The following KIAA1217 variants were observed in gnomAD, a reference collection of about 807,000 sequenced individuals.
The protein encoded by KIAA1217 is KIAA1217.
In KIAA1217, 88 loss-of-function variants were observed where a neutral mutation model predicts 163.9. That is an observed-to-expected ratio of 0.54 (90% CI 0.45 to 0.64). The LOEUF is 0.64. Ranked by LOEUF, KIAA1217 falls within the 30% of genes least tolerant of loss-of-function variation. The probability of loss-of-function intolerance (pLI) is 0.00; values close to 1 mark genes in which losing one functional copy is unlikely to be tolerated. For synonymous variants in KIAA1217, 903 were observed against 923.1 expected, an observed-to-expected ratio of 0.98 and a Z score of 0.39; for missense variants, 2,372 against 2,475.0, an observed-to-expected ratio of 0.96 and a Z score of 0.88.
intron 16 of KIAA1217, among the ~76,000 whole-genome samples, chr10:24,535,780 TAAATAAAC>T: frequency 7.9e-6 from 1 of 126,394 alleles, no homozygotes. Context: ...CTGCCTCAAA[TAAATAAAC>T]AAACAAACAA....
intron 5 of KIAA1217, among the ~76,000 whole-genome samples, chr10:24,448,588 A>G (rs2061152508): frequency 6.6e-6 from 1 of 152,102 alleles, no homozygotes; most frequent in African/African-American, 2.4e-5. Context: ...CAGTCTCCCT[A>G]TGTTGCCCAG....
At chr10:23,761,625 G>C (rs1305592962) in intron 1 of KIAA1217, among the ~76,000 whole-genome samples, 1 of 152,130 alleles carries the variant, frequency 6.6e-6, no homozygotes, top group African/African-American at 2.4e-5. Context: ...GAGGCTGTTT[G>C]TTATGATTTC....
chr10:23,901,360 C>T (rs546034992), intron 1 of KIAA1217, among the ~76,000 whole-genome samples: 2 of 152,138 alleles, frequency 1.3e-5, no homozygotes, highest in East Asian at 3.9e-4. Context: ...CATAGTAATA[C>T]AGTCTTATAC....
At chr10:23,932,208 A>C (rs1414626049) in intron 1 of KIAA1217, among the ~76,000 whole-genome samples, 1 of 152,314 alleles carries the variant, frequency 6.6e-6, no homozygotes, top group African/African-American at 2.4e-5. Flanking sequence ...AGGGCAAAGA[A>C]GGCATTTGGT....
chr10:24,190,833 T>A (rs969821050), intron 2 of KIAA1217, among the ~76,000 whole-genome samples: 13 of 152,056 alleles, frequency 8.5e-5, no homozygotes, highest in Admixed American at 8.5e-4. Flanking sequence ...AGTTAAGTGC[T>A]CTGAAGAGCA....
rs563611258 is a variant in KIAA1217 at position 24,170,948 on chromosome 10, G to C, written c.-170-48678G>C. Among the ~76,000 whole-genome samples the C allele has an allele frequency of 2.6e-5, 4 of 152,276 alleles. No individual in the cohort carries two copies. The South Asian group carries it at 8.3e-4, about 32-fold the overall frequency. On this transcript the variant is annotated intron_variant, in intron 2 of 18. Transcript: ENST00000376462. ...CCTGTTCTGTTCAGAGATGTGTTCTGCTCAATAATGCTGAGTAGAAAAGCA... is the reference window on the plus strand; with the variant it reads ...CCTGTTCTGTTCAGAGATGTGTTCTCCTCAATAATGCTGAGTAGAAAAGCA...
At chr10:23,994,642 T>G (rs1846383497) in intron 1 of KIAA1217, among the ~76,000 whole-genome samples, 1 of 152,190 alleles carries the variant, frequency 6.6e-6, no homozygotes, top group South Asian at 2.1e-4. Flanking sequence ...TGAGCATAGT[T>G]CAGCATCATC....
chr10:24,180,527 T>A (rs2066127362), intron 2 of KIAA1217, among the ~76,000 whole-genome samples: 2 of 152,096 alleles, frequency 1.3e-5, no homozygotes, highest in Admixed American at 1.3e-4. Context: ...ACGATTTTCC[T>A]CCTCTGAACT....
At chr10:23,908,533 G>C (rs184431024) in intron 1 of KIAA1217, among the ~76,000 whole-genome samples, 36 of 152,000 alleles carry the variant, frequency 2.4e-4, no homozygotes, top group Admixed American at 1.8e-3. Flanking sequence ...CTTTCTCTTG[G>C]TACCCTCTCT....
chr10:24,524,300 C>G, intron 12 of KIAA1217, 23 bp from the exon 13 acceptor site: 2 of 1,592,344 alleles, frequency 1.3e-6, no homozygotes, highest in Non-Finnish European at 1.7e-6. Context: ...AGGGTTAATG[C>G]CGCTGTGCAT....
intron 1 of KIAA1217, among the ~76,000 whole-genome samples, chr10:23,895,704 G>A (rs1166198566): frequency 6.6e-6 from 1 of 152,012 alleles, no homozygotes; most frequent in Non-Finnish European, 1.5e-5. Flanking sequence ...TATGTTTATT[G>A]CGGCACTGTT....
At chr10:24,147,006 TAAAAAAAAA>T (rs755857019) in intron 2 of KIAA1217, among the ~76,000 whole-genome samples, 1 of 110,726 alleles carries the variant, frequency 9.0e-6, no homozygotes, top group African/African-American at 3.3e-5. Context: ...TTTGTTTTGT[TAAAAAAAAA>T]AAAAAAAAAA....
intron 2 of KIAA1217, among the ~76,000 whole-genome samples, chr10:24,188,799 G>A (rs563035243): frequency 4.5e-4 from 68 of 152,228 alleles, no homozygotes; most frequent in African/African-American, 1.6e-3. Flanking sequence ...CTTGATGATT[G>A]ATGAGTCAAA....
At chr10:24,337,201 C>T (rs2046454361) in intron 2 of KIAA1217, among the ~76,000 whole-genome samples, 1 of 152,126 alleles carries the variant, frequency 6.6e-6, no homozygotes, top group Non-Finnish European at 1.5e-5. Flanking sequence ...TTTTAAACTC[C>T]TTTAATTCAA....
chr10:24,473,464 T>A lies in KIAA1217; in HGVS notation c.1083T>A (p.Ser361=), dbSNP rs1459986879. ...GCCTGCCAGTCTCCAGACCCATCTCTCCAAGCCCAAGCGCCATTTTAGAAA... is the reference window on the plus strand; with the variant it reads ...GCCTGCCAGTCTCCAGACCCATCTCACCAAGCCCAAGCGCCATTTTAGAAA... ...ISSLPVSRPI[S]PSPSAILERR... is the part of the protein sequence containing the mutation. Residue 361 remains serine (S), a synonymous_variant, in exon 6 of 21, where the codon TCT becomes TCA. Transcript: ENST00000376454. 1 of 1,614,092 alleles carries A rather than the reference T, an allele frequency of 6.2e-7. No homozygotes were observed. The highest frequency in any genetic ancestry group is 1.1e-5 in the South Asian group (1 of 91,064).
At chr10:23,707,812 A>C (rs1316952835) in intron 1 of KIAA1217, among the ~76,000 whole-genome samples, 2 of 152,148 alleles carry the variant, frequency 1.3e-5, no homozygotes, top group Non-Finnish European at 2.9e-5. Context: ...GTTTTCCTTC[A>C]AGAAGGAAAT....
chr10:24,158,180 T>C (rs1417681075), intron 2 of KIAA1217: 5 of 744,220 alleles, frequency 6.7e-6, no homozygotes, highest in African/African-American at 5.1e-5. Context: ...AAACATTTCA[T>C]GATGCAGAGT....
intron 1 of KIAA1217, among the ~76,000 whole-genome samples, chr10:23,954,305 C>G (rs1324958562): frequency 6.6e-6 from 1 of 152,120 alleles, no homozygotes; most frequent in Non-Finnish European, 1.5e-5. Context: ...TGGCTCATGC[C>G]TATAATCTCA....
chr10:24,487,930 A>G (rs10508677), intron 6 of KIAA1217, among the ~76,000 whole-genome samples: 14,273 of 152,234 alleles, frequency 0.094, 958 homozygotes, highest in East Asian at 0.16. Context: ...AGGCTGAAAA[A>G]TAGCCCAGAT....
Sources: gnomAD v4.1 joint callset for allele counts (sites outside exome capture counted in the v4.1 genomes callset) on GRCh38, gnomAD v4.1.1 for gene constraint, MANE v1.5 for transcripts, NCBI Gene and HGNC (gene_info 2026-07-23, HGNC 2026-07-21) for gene names.